LMOD3: variants seen among roughly 807,000 people sequenced by gnomAD.
The protein encoded by LMOD3 is leiomodin-3.
LMOD3 carries 31 observed loss-of-function variants against 41.8 expected under a neutral mutation model. That is an observed-to-expected ratio of 0.74 (90% CI 0.56 to 1.00). The LOEUF is 1.00. Ranked by LOEUF, LMOD3 falls within the 50% of genes least tolerant of loss-of-function variation. The pLI is 0.00. For synonymous variants in LMOD3, 292 were observed against 241.9 expected (o/e 1.21, Z -1.92); for missense variants, 755 against 679.5 (o/e 1.11, Z -1.23).
chr3:69,118,174 T>A (rs1393820295), intron 2 of LMOD3, among the ~76,000 whole-genome samples: 2 of 152,186 alleles, frequency 1.3e-5, no homozygotes, highest in Non-Finnish European at 2.9e-5. Context: ...CCTAGGGATC[T>A]CTGAGTGTCA....
intron 2 of LMOD3, among the ~76,000 whole-genome samples, chr3:69,110,853 A>AATATATATATAT (rs1302203949): frequency 1.6e-4 from 17 of 104,088 alleles, no homozygotes; most frequent in African/African-American, 7.2e-4. Context: ...AAAAAAAAAA[A>AATATATATATAT]ATATATATAT....
Position 69,109,164 on chromosome 3 carries a change from G to C in LMOD3, c.1657-43C>G, listed in dbSNP as rs180891672. On this transcript the variant is annotated intron_variant, in intron 2 of 2. Transcript: ENST00000420581. ...GAGGAAACGGGGGAAATTAATCCTG[G>C]AAATTTAAGAGCTTTGCAGCAAAAT... The C allele has an allele frequency of 4.0e-4, 635 of 1,575,498 alleles. 1 individual carries two copies. In the African/African-American group the frequency reaches 7.8e-3, roughly 19 times the overall value.
In LMOD3 at chr3:69,122,077, A is replaced by T; in HGVS notation, c.294+16T>A. ...CCAGGCAGCCATTTCTCGGTTGTAC[A>T]CAAATCTCTGGTTACCTCGGATTTC... On this transcript the variant is annotated intron_variant, in intron 1 of 2. Transcript: ENST00000420581. 1.2e-6 allele frequency: 2 copies of T among 1,603,320 alleles called. No individual in the cohort carries two copies. The highest frequency in any genetic ancestry group is 1.7e-6 in the Non-Finnish European group (2 of 1,173,752).
chr3:69,119,402 T>C lies in LMOD3; in HGVS notation c.953A>G (p.Glu318Gly). 6 of 1,614,002 alleles carry C rather than the reference T, an allele frequency of 3.7e-6. No individual in the cohort carries two copies. The highest frequency in any genetic ancestry group is 4.2e-6 in the Non-Finnish European group (5 of 1,179,902). The change falls in exon 2 of 3, where the codon GAG (glutamate) becomes GGG (glycine). Residue 318 changes from glutamate to glycine, a missense_variant. Physicochemically the swap from Glu to Gly is moderately conservative, Grantham distance 98. Transcript: ENST00000420581. ...ENRSITTLNIESNFITGKGIV... is the reference protein window; with the variant it reads ...ENRSITTLNIGSNFITGKGIV... ...CCCTTTACCTGTGATGAAATTGGAC[T>C]CGATGTTGAGAGTGGTGATGCTTCT...
At chr3:69,109,181 CA>C (rs1287472393) in intron 2 of LMOD3, 60 bp from the exon 3 acceptor site, 50 of 1,529,638 alleles carry the variant, frequency 3.3e-5, no homozygotes, top group Non-Finnish European at 4.2e-5. Context: ...AAGAGCTTTG[CA>C]GCAAAATTTA....
intron 2 of LMOD3, among the ~76,000 whole-genome samples, chr3:69,116,356 G>T (rs1324182595): frequency 1.3e-5 from 2 of 152,192 alleles, no homozygotes; most frequent in African/African-American, 4.8e-5. Flanking sequence ...GGCAACTGAA[G>T]GCAGGAGAAA....
rs988718606 is a variant in LMOD3, at chr3:69,119,883, C to T, written c.472G>A (p.Glu158Lys). The T allele has an allele frequency of 1.6e-5, 25 of 1,550,792 alleles. No individual in the cohort carries two copies. The highest frequency in any genetic ancestry group is 2.4e-5 in the East Asian group (1 of 41,308). Residue 158 changes from glutamate (E) to lysine (K), a missense_variant, in exon 2 of 3, where the codon GAA becomes AAA. Physicochemically the swap from Glu to Lys is moderately conservative, Grantham distance 56. Coordinates refer to ENST00000420581, the MANE Select transcript of LMOD3 (RefSeq NM_198271.5). ...CTCTCTTCACCATCATCTTCTCCTT[C>T]GTCGTCATCATCATCATCTTCTTCT... Reference protein sequence around the residue: ...EEEEDDDDDDEGEDDGEESEE... With the variant: ...EEEEDDDDDDKGEDDGEESEE...
At chr3:69,111,274 T>C (rs747735332) in intron 2 of LMOD3, among the ~76,000 whole-genome samples, 22 of 152,212 alleles carry the variant, frequency 1.4e-4, no homozygotes, top group Admixed American at 3.9e-4. Flanking sequence ...TTTGATGTGC[T>C]GCTGCCTGCC....
intron 2 of LMOD3, among the ~76,000 whole-genome samples, chr3:69,116,862 G>T (rs1386973606): frequency 1.3e-5 from 2 of 152,192 alleles, no homozygotes; most frequent in East Asian, 1.9e-4. Flanking sequence ...CAGGGAGTTG[G>T]TTCAGATGCT....
At chr3:69,116,067 T>G (rs1237090099) in intron 2 of LMOD3, among the ~76,000 whole-genome samples, 1 of 152,226 alleles carries the variant, frequency 6.6e-6, no homozygotes, top group Non-Finnish European at 1.5e-5. Flanking sequence ...TGACCTTCTG[T>G]AAGTCTAAAA....
At chr3:69,109,490 T>C (rs958151450) in intron 2 of LMOD3, among the ~76,000 whole-genome samples, 1 of 151,568 alleles carries the variant, frequency 6.6e-6, no homozygotes, top group African/African-American at 2.4e-5. Flanking sequence ...TTCACAAGGC[T>C]ATTATACAAG....
intron 2 of LMOD3, among the ~76,000 whole-genome samples, chr3:69,117,488 A>G (rs191896490): frequency 6.6e-6 from 1 of 152,348 alleles, no homozygotes; most frequent in East Asian, 1.9e-4. Flanking sequence ...AAAATAATAT[A>G]GTTAATTATC....
In LMOD3 at chr3:69,106,245, C is replaced by T. The variant is rs1189314688; in HGVS notation, c.*2850G>A. 6.6e-6 allele frequency among the ~76,000 whole-genome samples: 1 copy of T among 152,104 alleles called. No homozygotes were observed. The highest frequency in any genetic ancestry group is 1.5e-5 in the Non-Finnish European group (1 of 68,028). ...TTCCAGTGGGATCCTATTTTTAAAC[C>T]TGGCACGAGTTTTATATACATGTTA... On this transcript the variant is annotated 3_prime_UTR_variant, in exon 3 of 3. Transcript: ENST00000420581.
intron 2 of LMOD3, among the ~76,000 whole-genome samples, chr3:69,116,268 T>C (rs1448676580): frequency 6.6e-6 from 1 of 152,232 alleles, no homozygotes; most frequent in East Asian, 1.9e-4. Flanking sequence ...CCGAGTGTTT[T>C]CCAGGACCGA....
intron 2 of LMOD3, among the ~76,000 whole-genome samples, chr3:69,115,720 C>A (rs1559659915): frequency 6.6e-6 from 1 of 152,180 alleles, no homozygotes; most frequent in Non-Finnish European, 1.5e-5. Context: ...TCTTGTCTCA[C>A]TTGATTGGCT....
chr3:69,110,064 C>T (rs774120813), intron 2 of LMOD3, among the ~76,000 whole-genome samples: 41 of 152,054 alleles, frequency 2.7e-4, no homozygotes, highest in African/African-American at 2.7e-4. Context: ...GAAGCACACT[C>T]CTAATCTGAT....
rs775236296 is a variant in LMOD3, at chr3:69,109,116, T to C, written c.1662A>G (p.Gln554=). 1.2e-6 allele frequency: 2 copies of C among 1,602,894 alleles called. No homozygotes were observed. The highest frequency in any genetic ancestry group is 1.7e-5 in the Admixed American group (1 of 58,574). ...HSSVAYLKPV[Q]LPKELA is the part of the protein sequence containing the mutation. ...CCTCTTACGCCAGTTCTTTTGGCAG[T>C]TGCACCTGCGATTTAAGCATTTGAG... The change falls in exon 3 of 3, where the codon CAA becomes CAG. Residue 554 remains glutamine, a synonymous_variant. Transcript: ENST00000420581.
At chr3:69,114,773 A>G in intron 2 of LMOD3, among the ~76,000 whole-genome samples, 1 of 152,352 alleles carries the variant, frequency 6.6e-6, no homozygotes, top group Admixed American at 6.5e-5. Flanking sequence ...CTGGGATCAC[A>G]GGTGTGAGCC....
chr3:69,121,290 T>A (rs2092406275), intron 1 of LMOD3, among the ~76,000 whole-genome samples: 1 of 152,208 alleles, frequency 6.6e-6, no homozygotes, highest in Non-Finnish European at 1.5e-5. Context: ...CTCTACTGAC[T>A]GTAAAACCAA....
Sources: gnomAD v4.1 joint callset for allele counts (sites outside exome capture counted in the v4.1 genomes callset) on GRCh38, gnomAD v4.1.1 for gene constraint, MANE v1.5 for transcripts, NCBI Gene and HGNC (gene_info 2026-07-23, HGNC 2026-07-21) for gene names.